Variants in ATXN7L1 observed in about 807,000 individuals in gnomAD.
The protein encoded by ATXN7L1 is ataxin-7-like protein 1.
In ATXN7L1, 15 loss-of-function variants were observed where a neutral mutation model predicts 70.8. The ratio of observed to expected loss-of-function variants is 0.21; its 90% CI spans 0.14 to 0.33. The LOEUF (loss-of-function observed/expected upper bound fraction) is 0.33. Among genes scored for constraint, ATXN7L1 ranks in the 10% least tolerant of loss-of-function variants. The pLI is 1.00. For synonymous variants in ATXN7L1, 440 were observed against 445.1 expected (o/e 0.99, Z 0.14); for missense variants, 975 against 1,097.1 (o/e 0.89, Z 1.57).
At chr7:105,864,771 C>A (rs148706436) in intron 2 of ATXN7L1, among the ~76,000 whole-genome samples, 11 of 152,136 alleles carry the variant, frequency 7.2e-5, no homozygotes, top group African/African-American at 2.6e-4. Flanking sequence ...GCAGCTAGGA[C>A]TACAAGCACA....
intron 3 of ATXN7L1, among the ~76,000 whole-genome samples, chr7:105,673,575 G>T (rs1295314262): frequency 6.6e-6 from 1 of 152,216 alleles, no homozygotes; most frequent in African/African-American, 2.4e-5. Flanking sequence ...GGTTCAATCT[G>T]CTTTTGTAGC....
intron 2 of ATXN7L1, among the ~76,000 whole-genome samples, chr7:105,861,816 T>C (rs894981156): frequency 6.6e-6 from 1 of 152,152 alleles, no homozygotes; most frequent in Admixed American, 6.5e-5. Flanking sequence ...AATATGATTT[T>C]CAAAAAGCTG....
At chr7:105,788,506 A>G in intron 3 of ATXN7L1, 98 bp downstream of exon 3, 1 of 998,500 alleles carries the variant, frequency 1.0e-6, no homozygotes, top group East Asian at 2.4e-5. Flanking sequence ...TCAGGCTGAG[A>G]CAAGACATGG....
Position 105,733,592 on chromosome 7 carries a change from A to ATCCT in ATXN7L1, c.355+55011_355+55012insAGGA, listed in dbSNP as rs1563048846. ...CTTCCATCCATCCACCCATCCATCC[A>ATCCT]TCCATCCATCCACCCATCCATCCAT... is the stretch of plus-strand genomic sequence containing the variant. On this transcript the variant is annotated intron_variant, in intron 3 of 11. Transcript: ENST00000419735. Among the ~76,000 whole-genome samples the ATCCT allele has an allele frequency of 2.6e-4, 32 of 122,558 alleles. 1 individual carries two copies. Among genetic ancestry groups the ATCCT allele is most frequent in the Non-Finnish European group, 4.4e-4 (26 of 59,764 alleles). 80.4% of individuals were successfully genotyped at this position (122,558 alleles called of 152,430 possible).
intron 2 of ATXN7L1, among the ~76,000 whole-genome samples, chr7:105,812,834 C>G (rs1315559899): frequency 6.6e-6 from 1 of 152,026 alleles, no homozygotes; most frequent in Non-Finnish European, 1.5e-5. Flanking sequence ...AACCCTGTCT[C>G]TAGAAAAAAC....
At chr7:105,860,128 AATATATATATATATATATACATATAT>A (rs750783879) in intron 2 of ATXN7L1, among the ~76,000 whole-genome samples, 16 of 70,820 alleles carry the variant, frequency 2.3e-4, no homozygotes, top group Admixed American at 1.6e-3. Flanking sequence ...TTTATATGTA[AATATATATATATATATATACATATAT>A]ATATATATAT....
intron 2 of ATXN7L1, among the ~76,000 whole-genome samples, chr7:105,850,631 A>C (rs965827560): frequency 1.3e-5 from 2 of 152,234 alleles, no homozygotes; most frequent in African/African-American, 4.8e-5. Context: ...TGCCTCCTGA[A>C]GAACGAGCAC....
At chr7:105,745,733 T>A (rs949844796) in intron 3 of ATXN7L1, among the ~76,000 whole-genome samples, 1 of 152,244 alleles carries the variant, frequency 6.6e-6, no homozygotes, top group Non-Finnish European at 1.5e-5. Flanking sequence ...CAGGAGGCCC[T>A]GGAGTCCCGG....
intron 3 of ATXN7L1, among the ~76,000 whole-genome samples, chr7:105,726,215 C>G (rs188972018): frequency 5.9e-5 from 9 of 152,288 alleles, no homozygotes; most frequent in Admixed American, 4.6e-4. Flanking sequence ...ATTTCCATTT[C>G]TGATTAAACA....
At chr7:105,809,851 G>A (rs1039162780) in intron 2 of ATXN7L1, among the ~76,000 whole-genome samples, 5 of 151,772 alleles carry the variant, frequency 3.3e-5, no homozygotes, top group Admixed American at 1.3e-4. Flanking sequence ...GCTCACTGTA[G>A]CTTTGACCTC....
intron 3 of ATXN7L1, among the ~76,000 whole-genome samples, chr7:105,787,131 G>A (rs564612371): frequency 1.2e-4 from 19 of 152,264 alleles, no homozygotes; most frequent in Admixed American, 9.2e-4. Context: ...AGGGTCATTT[G>A]GTACAGAGCA....
At chr7:105,867,743 C>T (rs1394485347) in intron 2 of ATXN7L1, among the ~76,000 whole-genome samples, 1 of 152,228 alleles carries the variant, frequency 6.6e-6, no homozygotes, top group African/African-American at 2.4e-5. Context: ...GTATCTTAGT[C>T]TATTTTTCTT....
intron 2 of ATXN7L1, among the ~76,000 whole-genome samples, chr7:105,838,985 C>T (rs1270912017): frequency 1.3e-5 from 2 of 152,216 alleles, no homozygotes. Context: ...ACCAGGCATT[C>T]CTCAGGTTAG....
At chr7:105,803,335 C>T (rs1416911595) in intron 2 of ATXN7L1, among the ~76,000 whole-genome samples, 1 of 152,228 alleles carries the variant, frequency 6.6e-6, no homozygotes, top group Non-Finnish European at 1.5e-5. Context: ...TTTCTCAGCT[C>T]CCCTGGGAGC....
At chr7:105,790,606 T>C (rs998988376) in intron 2 of ATXN7L1, among the ~76,000 whole-genome samples, 1 of 133,560 alleles carries the variant, frequency 7.5e-6, no homozygotes. Flanking sequence ...AAGAAAAAAA[T>C]TATCTATCTA....
At chr7:105,669,833 C>T (rs969494444) in intron 3 of ATXN7L1, among the ~76,000 whole-genome samples, 7 of 150,968 alleles carry the variant, frequency 4.6e-5, no homozygotes, top group South Asian at 2.1e-4. Flanking sequence ...GCAGGAGAAC[C>T]GCTTAAACCC....
intron 2 of ATXN7L1, among the ~76,000 whole-genome samples, chr7:105,853,006 A>G (rs1239932558): frequency 6.6e-6 from 1 of 152,116 alleles, no homozygotes; most frequent in Non-Finnish European, 1.5e-5. Flanking sequence ...TGATTAGAAT[A>G]GGTGACTTCA....
chr7:105,869,357 C>G (rs1190115199), intron 2 of ATXN7L1, among the ~76,000 whole-genome samples: 1 of 152,162 alleles, frequency 6.6e-6, no homozygotes, highest in Non-Finnish European at 1.5e-5. Flanking sequence ...TGTGTCTTCC[C>G]ATCTCCTATT....
At chr7:105,733,506 C>CCATCCATCCATCCATCCATCCATG (rs1563048370) in intron 3 of ATXN7L1, among the ~76,000 whole-genome samples, 1 of 103,358 alleles carries the variant, frequency 9.7e-6, no homozygotes. Flanking sequence ...ATCCATCCTT[C>CCATCCATCCATCCATCCATCCATG]CATCCATCCA....
Sources: allele counts gnomAD v4.1 joint callset (sites outside exome capture counted in the v4.1 genomes callset), GRCh38; gene constraint gnomAD v4.1.1; transcripts MANE v1.5; gene names NCBI Gene and HGNC (gene_info 2026-07-23, HGNC 2026-07-21).